The following PRRX2 variants were observed in gnomAD, a reference collection of about 807,000 sequenced individuals.
PRRX2 encodes paired related homeobox 2.
Under a neutral mutation model 18.0 loss-of-function variants are expected in PRRX2, and 11 were observed. The ratio of observed to expected loss-of-function variants is 0.61; its 90% CI spans 0.39 to 1.01. The LOEUF (loss-of-function observed/expected upper bound fraction) is 1.01. Among genes scored for constraint, PRRX2 ranks in the 50% least tolerant of loss-of-function variants. The pLI, the probability that PRRX2 is intolerant of heterozygous loss-of-function variation, is 0.01. For synonymous variants in PRRX2, 177 were observed against 154.8 expected, an observed-to-expected ratio of 1.14 and a Z score of -1.06; for missense variants, 387 against 351.0, an observed-to-expected ratio of 1.10 and a Z score of -0.82.
intron 1 of PRRX2, among the ~76,000 whole-genome samples, chr9:129,702,346 A>C (rs1832508695): frequency 1.3e-5 from 2 of 151,148 alleles, no homozygotes; most frequent in African/African-American, 2.4e-5. Context: ...TGCAATGAGC[A>C]GAGATCGCGC....
intron 1 of PRRX2, among the ~76,000 whole-genome samples, chr9:129,677,647 G>A (rs1832176384): frequency 6.6e-6 from 1 of 152,236 alleles, no homozygotes; most frequent in African/African-American, 2.4e-5. Context: ...ATGGGGAGGG[G>A]GGTGACCAGG....
intron 1 of PRRX2, among the ~76,000 whole-genome samples, chr9:129,707,616 C>G (rs1355522056): frequency 4.6e-5 from 7 of 152,048 alleles, no homozygotes; most frequent in African/African-American, 1.4e-4. Context: ...CATGGTGAAA[C>G]CCCGTCTCTA....
intron 2 of PRRX2, 148 bp from the exon 3 acceptor site, chr9:129,720,448 C>T (rs1229579157): frequency 4.6e-6 from 3 of 647,526 alleles, no homozygotes; most frequent in Non-Finnish European, 7.5e-6. Flanking sequence ...CGTCATTTGT[C>T]ATCCCCATTC....
Position 129,716,758 on chromosome 9 carries a change from A to G in PRRX2, c.260-2473A>G, listed in dbSNP as rs763749747. On this transcript the variant is annotated intron_variant, in intron 1 of 3. Coordinates refer to ENST00000372469, the MANE Select transcript of PRRX2 (RefSeq NM_016307.4). ...GCATGAGCCACCGTGCCTGGCCGCT[A>G]TGCTTTCTTTTGATAGAAGAAAGGG... Among the ~76,000 whole-genome samples, 100 of 151,906 alleles carry G rather than the reference A, an allele frequency of 6.6e-4. 1 individual carries two copies. Among genetic ancestry groups the G allele is most frequent in the Admixed American group, 1.2e-3 (18 of 15,242 alleles).
At chr9:129,720,258 G>A (rs1240839783) in intron 2 of PRRX2, among the ~76,000 whole-genome samples, 1 of 148,526 alleles carries the variant, frequency 6.7e-6, no homozygotes, top group Admixed American at 6.7e-5. Flanking sequence ...CTCCCCCCGA[G>A]TGCTCAGCAA....
chr9:129,696,485 G>A (rs1017484158), intron 1 of PRRX2, among the ~76,000 whole-genome samples: 1 of 152,194 alleles, frequency 6.6e-6, no homozygotes, highest in African/African-American at 2.4e-5. Flanking sequence ...TCAGGTGGGA[G>A]GATCGCTTAA....
At chr9:129,711,165 G>A (rs1832613001) in intron 1 of PRRX2, among the ~76,000 whole-genome samples, 2 of 152,102 alleles carry the variant, frequency 1.3e-5, no homozygotes, top group South Asian at 2.1e-4. Flanking sequence ...TTCCCATGCC[G>A]AGGTGACTCA....
rs1832406884 is a variant in PRRX2, at chr9:129,695,263, C to T, written c.260-23968C>T. On this transcript the variant is annotated intron_variant, in intron 1 of 3. Transcript: ENST00000372469. The surrounding 1 kb of genome is among the most constrained non-coding windows in gnomAD (Gnocchi z 4.8). ...CAACACTCCCTCCAGAGGTTTCTGG[C>T]TAAGGGGGACAGAGGAGAGGCCATG... is the stretch of plus-strand genomic sequence containing the variant. 6.6e-6 allele frequency among the ~76,000 whole-genome samples: 1 copy of T among 152,154 alleles called. No individual in the cohort carries two copies. The highest frequency in any genetic ancestry group is 1.5e-5 in the Non-Finnish European group (1 of 68,028).
chr9:129,707,017 A>C (rs1036749608), intron 1 of PRRX2, among the ~76,000 whole-genome samples: 2 of 152,200 alleles, frequency 1.3e-5, no homozygotes, highest in Non-Finnish European at 2.9e-5. Flanking sequence ...GCACTTTGGG[A>C]GGCAAAGGCG....
At chr9:129,714,970 C>T (rs1192245771) in intron 1 of PRRX2, among the ~76,000 whole-genome samples, 1 of 152,108 alleles carries the variant, frequency 6.6e-6, no homozygotes, top group Non-Finnish European at 1.5e-5. Context: ...GCTCTTGTTT[C>T]GGTTTAAAGT....
chr9:129,675,044 C>T lies in PRRX2; in HGVS notation c.259+8918C>T, dbSNP rs1339925211. Among the ~76,000 whole-genome samples, 1 of 152,150 alleles carries T rather than the reference C, an allele frequency of 6.6e-6. No homozygotes were observed. Among genetic ancestry groups the T allele is most frequent in the Non-Finnish European group, 1.5e-5 (1 of 68,026 alleles). ...GAGCTGACTCTGCCTCCATTACCCT[C>T]CTCAGTTTACCCGAGTGGAAAGCGG... On this transcript the variant is annotated intron_variant, in intron 1 of 3. Transcript: ENST00000372469. This position sits in a 1 kb window ranked among gnomAD's most constrained non-coding sequence, Gnocchi z 4.4.
In PRRX2 at chr9:129,719,246, C is replaced by CG; in HGVS notation, c.279dup (p.Arg94AlafsTer3). 1 of 1,596,824 alleles carries CG rather than the reference C, an allele frequency of 6.3e-7. No homozygotes were observed. Among genetic ancestry groups the CG allele is most frequent in the Non-Finnish European group, 8.5e-7 (1 of 1,171,726 alleles). On this transcript the variant is annotated frameshift_variant, in exon 2 of 4. Coordinates refer to ENST00000372469, the MANE Select transcript of PRRX2 (RefSeq NM_016307.4). LOFTEE classifies it high-confidence loss of function. ...ACCTCCGCAGGTGAGTGTCCCAGCCCGGGGCGCGGTAGCGCCGCCAAGCGG... is the reference window on the plus strand; with the variant it reads ...ACCTCCGCAGGTGAGTGTCCCAGCCCGGGGGCGCGGTAGCGCCGCCAAGCGG...
intron 1 of PRRX2, among the ~76,000 whole-genome samples, chr9:129,677,408 A>C (rs980052601): frequency 6.6e-6 from 1 of 152,222 alleles, no homozygotes; most frequent in Admixed American, 6.5e-5. Flanking sequence ...GGTGCCTCAG[A>C]TGGCCAAGGA....
intron 1 of PRRX2, among the ~76,000 whole-genome samples, chr9:129,701,011 G>A (rs1327488896): frequency 6.6e-6 from 1 of 152,200 alleles, no homozygotes; most frequent in African/African-American, 2.4e-5. Flanking sequence ...AAGAACTTAT[G>A]TGAAGGATTT....
At chr9:129,680,769 T>A (rs1191816336) in intron 1 of PRRX2, among the ~76,000 whole-genome samples, 1 of 152,070 alleles carries the variant, frequency 6.6e-6, no homozygotes, top group Non-Finnish European at 1.5e-5. Flanking sequence ...GGATCCCCTC[T>A]CTGGAAGGAC....
At chr9:129,697,253 G>T (rs537459333) in intron 1 of PRRX2, among the ~76,000 whole-genome samples, 12 of 152,216 alleles carry the variant, frequency 7.9e-5, no homozygotes, top group Admixed American at 6.5e-4. Context: ...GAGTGGAGAG[G>T]GAGGTGTCTG....
intron 1 of PRRX2, among the ~76,000 whole-genome samples, chr9:129,680,144 G>A (rs1832207994): frequency 6.6e-6 from 1 of 152,118 alleles, no homozygotes; most frequent in Non-Finnish European, 1.5e-5. Flanking sequence ...GCTCATGCCT[G>A]TAATCTCAGC....
At chr9:129,674,673 ACCT>A (rs914748808) in intron 1 of PRRX2, among the ~76,000 whole-genome samples, 2 of 151,920 alleles carry the variant, frequency 1.3e-5, no homozygotes, top group African/African-American at 4.8e-5. Context: ...AGGGCAGGTG[ACCT>A]CCTGTAACAC....
At chr9:129,711,399 CTTTTTTTTT>C (rs897807963) in intron 1 of PRRX2, among the ~76,000 whole-genome samples, 4 of 85,026 alleles carry the variant, frequency 4.7e-5, no homozygotes, top group African/African-American at 9.9e-5. Context: ...GTGAGATTCT[CTTTTTTTTT>C]TTTTTTTTTT....
Sources: gnomAD v4.1 joint callset for allele counts (sites outside exome capture counted in the v4.1 genomes callset) on GRCh38, gnomAD v4.1.1 for gene constraint, Gnocchi (gnomAD v3.1) non-coding constraint, MANE v1.5 for transcripts, NCBI Gene and HGNC (gene_info 2026-07-23, HGNC 2026-07-21) for gene names.